CTNNA2: variants seen among roughly 807,000 people sequenced by gnomAD.
CTNNA2 encodes the protein catenin alpha 2, also known as catenin alpha-2.
In CTNNA2, 42 loss-of-function variants were observed where a neutral mutation model predicts 101.0. The ratio of observed to expected loss-of-function variants is 0.42; its 90% confidence interval spans 0.32 to 0.54. CTNNA2 has a LOEUF of 0.54. CTNNA2 is among the 20% of genes least tolerant of loss of function. The probability of loss-of-function intolerance (pLI) is 0.14; values close to 1 mark genes in which losing one functional copy is unlikely to be tolerated. For synonymous variants in CTNNA2, 450 were observed against 456.4 expected (o/e 0.99, Z 0.18); for missense variants, 871 against 1,223.1 (o/e 0.71, Z 4.29).
chr2:80,632,571 C>T (rs762449267), intron 18 of CTNNA2, among the ~76,000 whole-genome samples: 6 of 152,030 alleles, frequency 3.9e-5, no homozygotes, highest in Non-Finnish European at 8.8e-5. Context: ...AAAATAAGAT[C>T]GTAACTAGGC....
In CTNNA2 at chr2:80,026,353, C is replaced by T. The variant is rs181714662; in HGVS notation, c.1056+116556C>T. ...TCATCGATCCAAGGATTCAATGACC[C>T]TAAGTATTCTTAGGTAGAAAGCAGG... On this transcript the variant is annotated intron_variant, in intron 7 of 18. Coordinates refer to ENST00000402739, the MANE Select transcript of CTNNA2 (RefSeq NM_001282597.3). Among the ~76,000 whole-genome samples, 173 of 152,222 alleles carry T rather than the reference C, an allele frequency of 1.1e-3. 1 individual carries two copies. Among genetic ancestry groups the T allele is most frequent in the African/African-American group, 3.9e-3 (164 of 41,538 alleles).
Position 80,015,111 on chromosome 2 carries a change from A to T in CTNNA2, c.1056+105314A>T, listed in dbSNP as rs149425902. On this transcript the variant is annotated intron_variant, in intron 7 of 18. Coordinates refer to ENST00000402739, the MANE Select transcript of CTNNA2 (RefSeq NM_001282597.3). ...AGTGTAATGGATGGACAGTAATGACATGCTTTCTGGCTGGTTTATAACAAA... is the reference window on the plus strand; with the variant it reads ...AGTGTAATGGATGGACAGTAATGACTTGCTTTCTGGCTGGTTTATAACAAA... Among the ~76,000 whole-genome samples the T allele has an allele frequency of 6.1e-3, 936 of 152,342 alleles. 2 individuals are homozygous for T. The highest frequency in any genetic ancestry group is 0.027 in the Middle Eastern group (8 of 294).
At chr2:79,191,762 A>C (rs1673874193) in intron 1 of CTNNA2, among the ~76,000 whole-genome samples, 1 of 152,150 alleles carries the variant, frequency 6.6e-6, no homozygotes, top group Non-Finnish European at 1.5e-5. Context: ...AGGAGGGGCT[A>C]GGAATGTTCA....
intron 7 of CTNNA2, among the ~76,000 whole-genome samples, chr2:80,129,610 CTGTTAG>C (rs1176279528): frequency 6.6e-6 from 1 of 152,178 alleles, no homozygotes; most frequent in Admixed American, 6.6e-5. Context: ...CCAATCACCA[CTGTTAG>C]TGAATTTTTG....
chr2:79,854,133 T>A (rs941575740), intron 3 of CTNNA2, among the ~76,000 whole-genome samples: 15 of 151,232 alleles, frequency 9.9e-5, no homozygotes, highest in East Asian at 5.8e-4. Context: ...ATTTTTTTTT[T>A]ATATATATTC....
At chr2:80,594,060 C>T (rs918087588) in intron 15 of CTNNA2, among the ~76,000 whole-genome samples, 1 of 152,084 alleles carries the variant, frequency 6.6e-6, no homozygotes. Flanking sequence ...TTATTTTTCA[C>T]AGTGGCTGCA....
chr2:79,529,392 G>A (rs913161050), intron 1 of CTNNA2, among the ~76,000 whole-genome samples: 2 of 151,724 alleles, frequency 1.3e-5, no homozygotes, highest in Non-Finnish European at 2.9e-5. Flanking sequence ...TGTAAAATAT[G>A]AAGAGCTTAC....
At chr2:79,479,006 G>GGGAT (rs1338527699) in intron 4 of CTNNA2, among the ~76,000 whole-genome samples, 1 of 152,090 alleles carries the variant, frequency 6.6e-6, no homozygotes, top group East Asian at 1.9e-4. Context: ...CTTACTGAAG[G>GGGAT]GGATGAATAT....
At chr2:79,516,283 T>G (rs1349781535) in intron 1 of CTNNA2, among the ~76,000 whole-genome samples, 6 of 152,192 alleles carry the variant, frequency 3.9e-5, no homozygotes, top group African/African-American at 1.4e-4. Context: ...GAGAAATCAC[T>G]TAAACACATT....
At chr2:80,090,230 A>G (rs1293276294) in intron 7 of CTNNA2, among the ~76,000 whole-genome samples, 1 of 151,332 alleles carries the variant, frequency 6.6e-6, no homozygotes, top group Non-Finnish European at 1.5e-5. Context: ...GCATGCCTAC[A>G]TGTGAGTTTT....
At chr2:80,011,067 C>A (rs1345639939) in intron 7 of CTNNA2, among the ~76,000 whole-genome samples, 2 of 152,048 alleles carry the variant, frequency 1.3e-5, no homozygotes, top group Non-Finnish European at 2.9e-5. Flanking sequence ...CAAGGGACAC[C>A]TCCCCACTCC....
chr2:79,911,420 A>C (rs1364318120), intron 7 of CTNNA2, among the ~76,000 whole-genome samples: 1 of 152,278 alleles, frequency 6.6e-6, no homozygotes, highest in African/African-American at 2.4e-5. Context: ...CAGACAAAAA[A>C]GTATGTTCTT....
chr2:80,217,534 G>T (rs1558913367), intron 7 of CTNNA2, among the ~76,000 whole-genome samples: 1 of 151,980 alleles, frequency 6.6e-6, no homozygotes, highest in Non-Finnish European at 1.5e-5. Context: ...GACACTGAAA[G>T]CCCATGGCTT....
intron 7 of CTNNA2, among the ~76,000 whole-genome samples, chr2:80,286,061 A>G (rs1558969731): frequency 6.6e-6 from 1 of 152,164 alleles, no homozygotes; most frequent in African/African-American, 2.4e-5. Flanking sequence ...CAGAACTCTC[A>G]GGAATGGTGC....
intron 2 of CTNNA2, among the ~76,000 whole-genome samples, chr2:79,693,090 A>G (rs897227582): frequency 3.7e-4 from 57 of 152,058 alleles, no homozygotes; most frequent in Admixed American, 5.9e-4. Flanking sequence ...CCATAATTAT[A>G]AAGATGCAGA....
intron 4 of CTNNA2, among the ~76,000 whole-genome samples, chr2:79,412,845 A>C (rs925205635): frequency 6.6e-6 from 1 of 152,100 alleles, no homozygotes; most frequent in Non-Finnish European, 1.5e-5. Flanking sequence ...CTGTTCTATT[A>C]ATGACAGAAT....
chr2:80,293,977 G>A (rs13011070), intron 7 of CTNNA2, among the ~76,000 whole-genome samples: 1 of 152,174 alleles, frequency 6.6e-6, no homozygotes, highest in Non-Finnish European at 1.5e-5. Flanking sequence ...TTCAGTGGGA[G>A]GAGGTGTAGG....
chr2:80,329,392 A>G (rs1186578638), intron 7 of CTNNA2, among the ~76,000 whole-genome samples: 17 of 152,232 alleles, frequency 1.1e-4, no homozygotes, highest in Admixed American at 1.1e-3. Context: ...GAGGAGATGG[A>G]GAATGATCCC....
At chr2:79,560,241 C>T (rs923622123) in intron 1 of CTNNA2, among the ~76,000 whole-genome samples, 1 of 151,762 alleles carries the variant, frequency 6.6e-6, no homozygotes, top group Non-Finnish European at 1.5e-5. Context: ...TCATTAACAA[C>T]CTTGGAGGTT....
Sources: gnomAD v4.1 joint callset for allele counts (sites outside exome capture counted in the v4.1 genomes callset) on GRCh38, gnomAD v4.1.1 for gene constraint, MANE v1.5 for transcripts, NCBI Gene and HGNC (gene_info 2026-07-23, HGNC 2026-07-21) for gene names.